TBC1D12: variants seen among roughly 807,000 people sequenced by gnomAD.
TBC1D12 encodes TBC1 domain family, member 12.
TBC1D12 carries 56 observed loss-of-function variants against 86.7 expected under a neutral mutation model. The observed-to-expected ratio is 0.65, with a 90% CI of 0.52 to 0.81. The LOEUF is 0.81. TBC1D12 is among the 30% of genes least tolerant of loss of function. The probability of loss-of-function intolerance (pLI) is 0.00; values close to 1 mark genes in which losing one functional copy is unlikely to be tolerated. For missense variants in TBC1D12, 1,023 were observed against 1,038.8 expected (o/e 0.98, Z 0.21); for synonymous variants, 421 against 411.7 (o/e 1.02, Z -0.27).
chr10:94,515,202 C>T (rs534719216), intron 9 of TBC1D12, among the ~76,000 whole-genome samples: 49 of 151,872 alleles, frequency 3.2e-4, no homozygotes, highest in African/African-American at 9.4e-4. Context: ...CCACCGCGCC[C>T]GGCCGCAAGT....
At chr10:94,451,853 G>A (rs898749598) in intron 2 of TBC1D12, among the ~76,000 whole-genome samples, 2 of 151,872 alleles carry the variant, frequency 1.3e-5, no homozygotes, top group Non-Finnish European at 2.9e-5. Flanking sequence ...TGTTTCTTGG[G>A]CATTATATGT....
intron 11 of TBC1D12, among the ~76,000 whole-genome samples, chr10:94,526,927 A>G (rs1177346620): frequency 1.3e-5 from 2 of 152,162 alleles, no homozygotes; most frequent in South Asian, 4.1e-4. Context: ...TAGCTATCCT[A>G]ACTGGGGTAA....
In TBC1D12 at chr10:94,533,825, A is replaced by G. The variant is rs1842488649; in HGVS notation, c.*729A>G. On this transcript the variant is annotated 3_prime_UTR_variant, in exon 13 of 13. Transcript: ENST00000225235. ...TCATCTAATAATTTGACATTAAGAA[A>G]ACTATAAATAACTGGTAGAAGGAAA... 6.6e-6 allele frequency: 1 copy of G among 152,202 alleles called. No individual in the cohort carries two copies. Among genetic ancestry groups the G allele is most frequent in the Admixed American group, 6.5e-5 (1 of 15,280 alleles). The allele number at this position is 152,202 out of a possible 1,614,324, so 9.4% of individuals were successfully genotyped here.
At chr10:94,404,487 A>C (rs1167660510) in intron 1 of TBC1D12, among the ~76,000 whole-genome samples, 1 of 151,168 alleles carries the variant, frequency 6.6e-6, no homozygotes, top group African/African-American at 2.4e-5. Context: ...TTCTACTAAA[A>C]ATACAAAAAT....
chr10:94,488,176 A>G (rs1211371363), intron 3 of TBC1D12, among the ~76,000 whole-genome samples: 1 of 151,958 alleles, frequency 6.6e-6, no homozygotes, highest in African/African-American at 2.4e-5. Flanking sequence ...ACTTGAGGTC[A>G]GGAGTTCCAG....
At position 94,403,102 on chromosome 10, in the gene TBC1D12, G is replaced by GCGCCGC; in HGVS notation, c.497_502dup (p.Arg166_Arg167dup). On this transcript the variant is annotated inframe_insertion, in exon 1 of 13. Transcript: ENST00000225235. Reference sequence around the variant, plus strand: ...TGGCGCGCGCCGGCGGCCGGGAGTCGCGCCGCCGCCGCCCCTACGGCCGCC... The same window carrying GCGCCGC: ...TGGCGCGCGCCGGCGGCCGGGAGTCGCGCCGCCGCCGCCGCCGCCCCTACGGCCGCC... 7.2e-7 allele frequency: 1 copy of GCGCCGC among 1,397,506 alleles called. No individual in the cohort carries two copies. Among genetic ancestry groups the GCGCCGC allele is most frequent in the Non-Finnish European group, 9.3e-7 (1 of 1,080,878 alleles). The allele number at this position is 1,397,506 out of a possible 1,614,324, so 86.6% of individuals were successfully genotyped here.
chr10:94,458,664 G>A (rs1219153940), intron 2 of TBC1D12, among the ~76,000 whole-genome samples: 2 of 152,130 alleles, frequency 1.3e-5, no homozygotes, highest in African/African-American at 4.8e-5. Context: ...ATGTGTCTGA[G>A]TTTCTTCCTT....
chr10:94,463,150 T>C (rs1161594304), intron 2 of TBC1D12, among the ~76,000 whole-genome samples: 1 of 152,248 alleles, frequency 6.6e-6, no homozygotes, highest in African/African-American at 2.4e-5. Flanking sequence ...TGTAGAGGTA[T>C]GTTATTTTAC....
intron 5 of TBC1D12, among the ~76,000 whole-genome samples, chr10:94,499,194 A>T (rs772224059): frequency 6.6e-6 from 1 of 152,316 alleles, no homozygotes; most frequent in Non-Finnish European, 1.5e-5. Flanking sequence ...TCATTTAGCA[A>T]TTTTGAAACA....
chr10:94,522,720 C>A (rs1441247078), intron 11 of TBC1D12, among the ~76,000 whole-genome samples: 1 of 151,980 alleles, frequency 6.6e-6, no homozygotes, highest in Non-Finnish European at 1.5e-5. Context: ...TCAAGACCAG[C>A]CTGTCCCACA....
intron 1 of TBC1D12, among the ~76,000 whole-genome samples, chr10:94,416,614 T>C (rs1402781278): frequency 6.6e-6 from 1 of 152,214 alleles, no homozygotes; most frequent in Non-Finnish European, 1.5e-5. Context: ...ACTAGGCACA[T>C]AGGATATTAG....
chr10:94,424,180 T>TC (rs1232339018), intron 1 of TBC1D12, among the ~76,000 whole-genome samples: 2 of 151,922 alleles, frequency 1.3e-5, no homozygotes, highest in Non-Finnish European at 2.9e-5. Flanking sequence ...CTGGAATCAG[T>TC]CCCCCACAGA....
intron 2 of TBC1D12, among the ~76,000 whole-genome samples, chr10:94,452,619 A>G (rs1471325422): frequency 6.6e-6 from 1 of 151,910 alleles, no homozygotes; most frequent in Non-Finnish European, 1.5e-5. Flanking sequence ...TTGATAGCTC[A>G]TTTCTTTTTA....
chr10:94,436,451 A>T (rs2134083286), intron 1 of TBC1D12, among the ~76,000 whole-genome samples: 1 of 152,062 alleles, frequency 6.6e-6, no homozygotes, highest in Non-Finnish European at 1.5e-5. Context: ...TTATTCTTTA[A>T]CATAAATTTT....
chr10:94,459,867 G>A (rs1272525616), intron 2 of TBC1D12, among the ~76,000 whole-genome samples: 6 of 152,130 alleles, frequency 3.9e-5, no homozygotes, highest in African/African-American at 1.2e-4. Context: ...CACGGTTCCT[G>A]CCTGCACCTC....
intron 2 of TBC1D12, among the ~76,000 whole-genome samples, chr10:94,459,215 A>G (rs1194693992): frequency 6.6e-6 from 1 of 152,192 alleles, no homozygotes; most frequent in African/African-American, 2.4e-5. Context: ...ACAATCCTTT[A>G]GCTAGACACA....
chr10:94,531,632 C>T (rs1255957039), intron 12 of TBC1D12, among the ~76,000 whole-genome samples, 172 bp downstream of exon 12: 1 of 144,980 alleles, frequency 6.9e-6, no homozygotes, highest in African/African-American at 2.5e-5. Context: ...GCTATCCAAA[C>T]ATAGGGCTTA....
At chr10:94,443,873 G>A (rs2055414985) in intron 2 of TBC1D12, among the ~76,000 whole-genome samples, 1 of 152,166 alleles carries the variant, frequency 6.6e-6, no homozygotes, top group African/African-American at 2.4e-5. Flanking sequence ...ATTAATTGCG[G>A]TTATTTAAGA....
At chr10:94,427,735 G>A (rs1356547171) in intron 1 of TBC1D12, among the ~76,000 whole-genome samples, 2 of 150,904 alleles carry the variant, frequency 1.3e-5, no homozygotes, top group Non-Finnish European at 2.9e-5. Flanking sequence ...AGGAGGCTGA[G>A]GCAGGAGAAT....
Sources: allele counts gnomAD v4.1 joint callset (sites outside exome capture counted in the v4.1 genomes callset), GRCh38; gene constraint gnomAD v4.1.1; transcripts MANE v1.5; gene names NCBI Gene and HGNC (gene_info 2026-07-23, HGNC 2026-07-21).